Variants in DSCAM observed in about 807,000 individuals in gnomAD.
DSCAM encodes cell adhesion molecule DSCAM.
A neutral mutation model predicts 217.7 loss-of-function variants in DSCAM; 47 were observed. That is an observed-to-expected ratio of 0.22 (90% confidence interval 0.17 to 0.28). The LOEUF is 0.28. Ranked by LOEUF, DSCAM falls within the 10% of genes least tolerant of loss-of-function variation. The pLI is 1.00. For missense variants in DSCAM, 2,080 were observed against 2,618.3 expected (o/e 0.79, Z 4.49); for synonymous variants, 1,056 against 1,015.3 (o/e 1.04, Z -0.76).
chr21:40,384,915 G>T (rs2075067644), intron 3 of DSCAM: 1 of 152,048 alleles, frequency 6.6e-6, no homozygotes, highest in Non-Finnish European at 1.5e-5. Context: ...TCTTAAAATT[G>T]ATCATTGTTA....
chr21:40,109,420 A>G (rs2089865694), intron 20 of DSCAM, among the ~76,000 whole-genome samples: 1 of 152,240 alleles, frequency 6.6e-6, no homozygotes, highest in African/African-American at 2.4e-5. Flanking sequence ...TCATTAGAGA[A>G]ATGCAAATCA....
chr21:40,671,611 A>T lies in DSCAM; in HGVS notation c.508+21199T>A, dbSNP rs9975830. Among the ~76,000 whole-genome samples the T allele has an allele frequency of 9.7e-3, 1,460 of 150,922 alleles. 31 individuals carry two copies. The highest frequency in any genetic ancestry group is 0.032 in the African/African-American group (1,312 of 40,886). ...GGCTGAGGCAAGAGAATTGCATGAA[A>T]CTGGGAGGTGGAGGTTGCAGTGAGC... is the stretch of plus-strand genomic sequence containing the variant. On this transcript the variant is annotated intron_variant, in intron 3 of 32. Transcript: ENST00000400454.
At chr21:40,836,878 A>G (rs138012442) in intron 1 of DSCAM, among the ~76,000 whole-genome samples, 82 of 152,308 alleles carry the variant, frequency 5.4e-4, no homozygotes, top group Admixed American at 1.6e-3. Context: ...ATGGGATTAG[A>G]AACACCTGGG....
At chr21:40,167,867 C>A (rs1354480928) in intron 15 of DSCAM, among the ~76,000 whole-genome samples, 1 of 152,148 alleles carries the variant, frequency 6.6e-6, no homozygotes, top group Non-Finnish European at 1.5e-5. Flanking sequence ...AGATTGAGAC[C>A]ATCCTGGCTA....
chr21:40,755,537 G>C (rs1189062358), intron 1 of DSCAM, among the ~76,000 whole-genome samples: 1 of 152,134 alleles, frequency 6.6e-6, no homozygotes, highest in East Asian at 1.9e-4. Flanking sequence ...GGGTGGGTAT[G>C]GTTTAGATGA....
intron 3 of DSCAM, among the ~76,000 whole-genome samples, chr21:40,648,387 T>C: frequency 6.6e-6 from 1 of 152,062 alleles, no homozygotes; most frequent in East Asian, 1.9e-4. Context: ...TTTGGGCAGA[T>C]GTCCCAAGCT....
Position 40,013,092 on chromosome 21 carries a change from T to C in DSCAM, c.5981A>G (p.Asp1994Gly). Reference protein sequence around the residue: ...KMSSSQESLLDSRGHLKGNNP... With the variant: ...KMSSSQESLLGSRGHLKGNNP... ...GTTTCCTTTCAAATGGCCCCGGGAGTCGAGCAGTGATTCTTGGGAGCTGCT... is the reference window on the plus strand; with the variant it reads ...GTTTCCTTTCAAATGGCCCCGGGAGCCGAGCAGTGATTCTTGGGAGCTGCT... Residue 1994 changes from aspartate (D) to glycine (G), a missense_variant, in exon 33 of 33, where the codon GAC (aspartate) becomes GGC (glycine). Physicochemically the swap from Asp to Gly is moderately conservative, Grantham distance 94 (BLOSUM62 -1). Transcript: ENST00000400454. 6.3e-7 allele frequency: 1 copy of C among 1,587,622 alleles called. No homozygotes were observed. The highest frequency in any genetic ancestry group is 8.6e-7 in the Non-Finnish European group (1 of 1,164,532).
chr21:40,783,499 C>A (rs761024940), intron 1 of DSCAM, among the ~76,000 whole-genome samples: 4 of 152,060 alleles, frequency 2.6e-5, no homozygotes, highest in Admixed American at 6.5e-5. Flanking sequence ...TAGCAAGAAA[C>A]CACTAAAAGG....
chr21:40,577,905 C>A (rs554609449), intron 3 of DSCAM, among the ~76,000 whole-genome samples: 2 of 152,240 alleles, frequency 1.3e-5, no homozygotes, highest in Admixed American at 6.5e-5. Flanking sequence ...CAGTTAATTG[C>A]ATTCTTGGAT....
At chr21:40,463,457 C>T (rs563352179) in intron 3 of DSCAM, among the ~76,000 whole-genome samples, 9 of 152,256 alleles carry the variant, frequency 5.9e-5, no homozygotes, top group Middle Eastern at 3.4e-3. Flanking sequence ...ACCCCTTCTT[C>T]CATCAGTTCT....
chr21:40,119,067 G>T (rs1408836194), intron 20 of DSCAM, among the ~76,000 whole-genome samples: 1 of 152,086 alleles, frequency 6.6e-6, no homozygotes, highest in African/African-American at 2.4e-5. Flanking sequence ...AGATAGCATG[G>T]CATGTACTAC....
chr21:40,357,866 AAAAAC>A (rs1331591487), intron 4 of DSCAM, among the ~76,000 whole-genome samples: 2 of 149,922 alleles, frequency 1.3e-5, no homozygotes, highest in African/African-American at 5.1e-5. Flanking sequence ...TATAATAAAA[AAAAAC>A]AAAAACAAAA....
At chr21:40,519,528 C>T (rs1032091938) in intron 3 of DSCAM, among the ~76,000 whole-genome samples, 5 of 152,162 alleles carry the variant, frequency 3.3e-5, no homozygotes, top group African/African-American at 4.8e-5. Context: ...CAAGAAGGCG[C>T]TGTCTATGAA....
At chr21:40,222,579 C>T (rs892857410) in intron 11 of DSCAM, among the ~76,000 whole-genome samples, 1 of 152,202 alleles carries the variant, frequency 6.6e-6, no homozygotes, top group Non-Finnish European at 1.5e-5. Context: ...GAACATAACA[C>T]ATCACAGTAG....
intron 1 of DSCAM, among the ~76,000 whole-genome samples, chr21:40,776,614 T>C (rs146509091): frequency 1.3e-5 from 2 of 152,124 alleles, no homozygotes; most frequent in East Asian, 1.9e-4. Context: ...GGAGGAGTCA[T>C]TGTGGACTAG....
At position 40,381,113 on chromosome 21, in the gene DSCAM, C is replaced by T. The variant is rs976237932; in HGVS notation, c.509-11868G>A. 2.7e-5 allele frequency among the ~76,000 whole-genome samples: 4 copies of T among 150,060 alleles called. 1 individual carries two copies. The South Asian group carries it at 6.4e-4, about 24-fold the overall frequency. ...AATAGAACTGATAGGACATAGAACT[C>T]GCCTGAATGCCAGGATGAGGCAAAG... On this transcript the variant is annotated intron_variant, in intron 3 of 32. Coordinates refer to ENST00000400454, the MANE Select transcript of DSCAM (RefSeq NM_001389.5).
intron 18 of DSCAM, among the ~76,000 whole-genome samples, chr21:40,135,106 C>T (rs910615290): frequency 2.0e-5 from 3 of 152,156 alleles, no homozygotes; most frequent in South Asian, 2.1e-4. Flanking sequence ...TGAAATGAGT[C>T]GCCTTCAGAG....
At chr21:40,771,904 A>G (rs2091448217) in intron 1 of DSCAM, among the ~76,000 whole-genome samples, 2 of 133,318 alleles carry the variant, frequency 1.5e-5, no homozygotes, top group Admixed American at 1.5e-4. Flanking sequence ...CATACAATGA[A>G]GAGGGGAAAA....
chr21:40,389,876 C>A (rs977971936), intron 3 of DSCAM, among the ~76,000 whole-genome samples: 2 of 152,146 alleles, frequency 1.3e-5, no homozygotes, highest in Admixed American at 1.3e-4. Flanking sequence ...CAGGTGTGGA[C>A]GTGAGGACAC....
Sources: gnomAD v4.1 joint callset for allele counts (sites outside exome capture counted in the v4.1 genomes callset) on GRCh38, gnomAD v4.1.1 for gene constraint, MANE v1.5 for transcripts, NCBI Gene and HGNC (gene_info 2026-07-23, HGNC 2026-07-21) for gene names.